The following EPB41L2 variants were observed in gnomAD, a reference collection of about 807,000 sequenced individuals.
EPB41L2 encodes the protein band 4.1-like protein 2.
Under a neutral mutation model 113.0 loss-of-function variants are expected in EPB41L2, and 43 were observed. The observed-to-expected ratio is 0.38, with a 90% CI of 0.30 to 0.49. The LOEUF is 0.49. Ranked by LOEUF, EPB41L2 falls within the 20% of genes least tolerant of loss-of-function variation. The pLI is 0.95. For missense variants in EPB41L2, 1,147 were observed against 1,223.4 expected (o/e 0.94, Z 0.93); for synonymous variants, 442 against 436.7 (o/e 1.01, Z -0.15).
intron 13 of EPB41L2, among the ~76,000 whole-genome samples, chr6:130,879,073 A>C (rs1788471130): frequency 6.6e-6 from 1 of 152,214 alleles, no homozygotes; most frequent in Non-Finnish European, 1.5e-5. Context: ...GGCTCTCATA[A>C]ATAGTATTTG....
In EPB41L2 at chr6:130,904,364, G is replaced by A. The variant is rs1444405275; in HGVS notation, c.929+101C>T. 1.1e-5 allele frequency: 8 copies of A among 711,200 alleles called. No homozygotes were observed. In the African/African-American group the frequency reaches 1.4e-4, roughly 13 times the overall value. 44.1% of individuals were successfully genotyped at this position (711,200 alleles called of 1,614,324 possible). On this transcript the variant is annotated intron_variant, in intron 6 of 19. Coordinates refer to ENST00000337057, the MANE Select transcript of EPB41L2 (RefSeq NM_001431.4). ...AAACTTCTAAAACTTAAGAAAAACT[G>A]TTTTGGTTTTCAATCCTGAAATTAC...
rs147751055 is a variant in EPB41L2, at chr6:130,992,670, C to T, written c.-14-36171G>A. ...TTTTTGAGACAGAGCCTCGCTCAGTCGCCAGGCTGGAATGCAGTGGCGCCA... is the reference window on the plus strand; with the variant it reads ...TTTTTGAGACAGAGCCTCGCTCAGTTGCCAGGCTGGAATGCAGTGGCGCCA... On this transcript the variant is annotated intron_variant, in intron 1 of 19. Coordinates refer to ENST00000337057, the MANE Select transcript of EPB41L2 (RefSeq NM_001431.4). Among the ~76,000 whole-genome samples, 1,270 of 149,920 alleles carry T rather than the reference C, an allele frequency of 8.5e-3. 14 individuals are homozygous for T. The highest frequency in any genetic ancestry group is 0.03 in the African/African-American group (1,195 of 40,362).
chr6:131,037,585 AT>A (rs10685424), intron 1 of EPB41L2, among the ~76,000 whole-genome samples: 202 of 122,658 alleles, frequency 1.6e-3, no homozygotes, highest in African/African-American at 4.1e-3. Context: ...AAAACCTAAA[AT>A]TTTTTTTTTT....
intron 4 of EPB41L2, among the ~76,000 whole-genome samples, chr6:130,910,143 A>G (rs1409423772): frequency 1.3e-5 from 2 of 152,246 alleles, no homozygotes; most frequent in African/African-American, 4.8e-5. Flanking sequence ...ACAAGGCTAC[A>G]GTAACCAAAA....
intron 4 of EPB41L2, among the ~76,000 whole-genome samples, chr6:130,916,306 C>A (rs988298893): frequency 1.3e-5 from 2 of 151,990 alleles, no homozygotes; most frequent in Non-Finnish European, 1.5e-5. Flanking sequence ...CTTTATTTGC[C>A]ACAAATCTGA....
At chr6:131,056,586 C>CA (rs1299751305) in intron 1 of EPB41L2, among the ~76,000 whole-genome samples, 4 of 152,214 alleles carry the variant, frequency 2.6e-5, no homozygotes, top group Admixed American at 2.6e-4. Context: ...CTGACCACTG[C>CA]AAAAAATCTG....
rs879811797 is a variant in EPB41L2, at chr6:130,964,656, AAAT to A, written c.-14-8160_-14-8158del. Among the ~76,000 whole-genome samples, 1,433 of 151,816 alleles carry A rather than the reference AAAT, an allele frequency of 9.4e-3. 18 individuals are homozygous for A. The highest frequency in any genetic ancestry group is 0.032 in the African/African-American group (1,324 of 41,438). On this transcript the variant is annotated intron_variant, in intron 1 of 19. Transcript: ENST00000337057. The stretch of plus-strand genomic sequence containing the variant: ...AGAAAATAACTATATTTGTTTACTA[AAAT>A]AATAATAATAATAATAATGGTAGTA...
chr6:130,854,310 T>C (rs1390376409), intron 19 of EPB41L2, among the ~76,000 whole-genome samples: 1 of 125,930 alleles, frequency 7.9e-6, no homozygotes, highest in African/African-American at 2.5e-5. Flanking sequence ...CCCTAGCACA[T>C]TTAGGCACTC....
chr6:130,862,252 G>A (rs560445928), intron 18 of EPB41L2, among the ~76,000 whole-genome samples: 39 of 152,156 alleles, frequency 2.6e-4, no homozygotes, highest in African/African-American at 9.2e-4. Context: ...CCTGAGTACT[G>A]GAAAGGTGGC....
At chr6:130,923,654 G>A (rs1357388238) in intron 4 of EPB41L2, among the ~76,000 whole-genome samples, 1 of 152,062 alleles carries the variant, frequency 6.6e-6, no homozygotes, top group Admixed American at 6.6e-5. Flanking sequence ...ACTTTTTCCT[G>A]CAGAGTAGTA....
rs776097407 is a variant in EPB41L2, at chr6:130,885,144, T to C, written c.1785A>G (p.Glu595=). ...AVVQDGDGRR[E]VRSPTKAPHL... Reference sequence around the variant, plus strand: ...GTGGGGCTTTAGTTGGGCTTCTCACTTCCCTCCTGCCGTCCCCATCTTGTA... The same window carrying C: ...GTGGGGCTTTAGTTGGGCTTCTCACCTCCCTCCTGCCGTCCCCATCTTGTA... Residue 595 remains glutamate (E), a synonymous_variant, in exon 12 of 20, where the codon GAA becomes GAG. Coordinates refer to ENST00000337057, the MANE Select transcript of EPB41L2 (RefSeq NM_001431.4). The C allele has an allele frequency of 1.2e-6, 2 of 1,614,052 alleles. No individual in the cohort carries two copies. The highest frequency in any genetic ancestry group is 1.7e-5 in the Admixed American group (1 of 60,002).
chr6:130,986,907 G>A (rs935330261), intron 1 of EPB41L2, among the ~76,000 whole-genome samples: 3 of 152,132 alleles, frequency 2.0e-5, no homozygotes, highest in Admixed American at 1.3e-4. Context: ...TCACACCCCA[G>A]TACCCCCAGC....
At chr6:131,039,285 A>G (rs1178835535) in intron 1 of EPB41L2, among the ~76,000 whole-genome samples, 1 of 152,200 alleles carries the variant, frequency 6.6e-6, no homozygotes, top group Non-Finnish European at 1.5e-5. Context: ...GGACTTTGTA[A>G]CTGTAAAATA....
At chr6:130,997,885 T>TA (rs373066492) in intron 1 of EPB41L2, among the ~76,000 whole-genome samples, 2 of 152,196 alleles carry the variant, frequency 1.3e-5, no homozygotes, top group African/African-American at 4.8e-5. Flanking sequence ...CCTAATGTTT[T>TA]AAAAATCGAG....
intron 11 of EPB41L2, among the ~76,000 whole-genome samples, chr6:130,886,295 G>T (rs1562392314): frequency 6.6e-6 from 1 of 152,080 alleles, no homozygotes; most frequent in African/African-American, 2.4e-5. Context: ...TCAATCCACA[G>T]CCTTCACCTG....
chr6:130,892,650 G>A (rs967775340), intron 10 of EPB41L2, among the ~76,000 whole-genome samples: 2 of 119,610 alleles, frequency 1.7e-5, no homozygotes, highest in Non-Finnish European at 2.0e-5. Flanking sequence ...TATTAGTCTT[G>A]AAAAATAGAT....
chr6:130,928,132 C>T (rs1805395956), intron 3 of EPB41L2, among the ~76,000 whole-genome samples: 1 of 152,060 alleles, frequency 6.6e-6, no homozygotes, highest in South Asian at 2.1e-4. Context: ...AAAAATAAAA[C>T]AATGTGTCAC....
chr6:130,904,554 A>T lies in EPB41L2; in HGVS notation c.854-14T>A, dbSNP rs770529945. 1 of 1,552,896 alleles carries T rather than the reference A, an allele frequency of 6.4e-7. No individual in the cohort carries two copies. The highest frequency in any genetic ancestry group is 8.8e-7 in the Non-Finnish European group (1 of 1,130,334). On this transcript the variant is annotated splice_polypyrimidine_tract_variant and intron_variant, in intron 5 of 19. Transcript: ENST00000337057. ...GCCATGGAAGGTCTGTAATTATTAA[A>T]TATCACAGTTATGCACCCAATTAAC...
chr6:130,945,725 A>C (rs1200393122), intron 3 of EPB41L2, among the ~76,000 whole-genome samples: 1 of 152,198 alleles, frequency 6.6e-6, no homozygotes, highest in Non-Finnish European at 1.5e-5. Flanking sequence ...AATAGAAGAG[A>C]GGAAGTGACT....
Sources: allele counts gnomAD v4.1 joint callset (sites outside exome capture counted in the v4.1 genomes callset), GRCh38; gene constraint gnomAD v4.1.1; transcripts MANE v1.5; gene names NCBI Gene and HGNC (gene_info 2026-07-23, HGNC 2026-07-21).